Variants in DMD observed in about 807,000 individuals in gnomAD.
DMD encodes the protein mutant dystrophin.
A neutral mutation model predicts 330.1 loss-of-function variants in DMD; 63 were observed. That is an observed-to-expected ratio of 0.19 (90% confidence interval 0.16 to 0.24). The LOEUF (loss-of-function observed/expected upper bound fraction) is 0.24, where lower values mean the gene tolerates loss of function less well. DMD is among the 10% of genes least tolerant of loss of function. The probability of loss-of-function intolerance (pLI) is 1.00; values close to 1 mark genes in which losing one functional copy is unlikely to be tolerated. For synonymous variants in DMD, 1,223 were observed against 959.8 expected (o/e 1.27, Z -5.07); for missense variants, 3,344 against 2,684.1 (o/e 1.25, Z -5.43).
At chrX:32,637,000 A>G (rs970906390) in intron 11 of DMD, among the ~76,000 whole-genome samples, 6 of 110,875 alleles carry the variant, frequency 5.4e-5, no homozygotes, top group Non-Finnish European at 1.1e-4. Context: ...TGTCTCAAAA[A>G]AAAAAGAAAA....
In DMD at chrX:32,001,500, G is replaced by A. The variant is rs892612232; in HGVS notation, c.6439-32986C>T. On this transcript the variant is annotated intron_variant, in intron 44 of 78. Coordinates refer to ENST00000357033, the MANE Select transcript of DMD (RefSeq NM_004006.3). ...GGTTAACATACTGCTCAGGGAAGACGCTAGCGGGTCTCACTGGGAAGACCT... is the reference window on the plus strand; with the variant it reads ...GGTTAACATACTGCTCAGGGAAGACACTAGCGGGTCTCACTGGGAAGACCT... Among the ~76,000 whole-genome samples the A allele has an allele frequency of 5.5e-5, 6 of 109,976 alleles. No homozygotes were observed. In the East Asian group the frequency reaches 1.2e-3, roughly 21 times the overall value.
At chrX:32,714,898 T>C (rs771015612) in intron 7 of DMD, among the ~76,000 whole-genome samples, 1 of 111,778 alleles carries the variant, frequency 8.9e-6, no homozygotes, top group Admixed American at 9.5e-5. Flanking sequence ...AATGAAACCA[T>C]AATGAAAGAA....
chrX:32,559,096 G>A lies in DMD; in HGVS notation c.1992+6606C>T, dbSNP rs756125579. ...CTCCCAAGTAGCTGCAATTACAAGC[G>A]CCTGCCACCATGCCTGGCTACTTTT... On this transcript the variant is annotated intron_variant, in intron 16 of 78. Coordinates refer to ENST00000357033, the MANE Select transcript of DMD (RefSeq NM_004006.3). 5.3e-3 allele frequency among the ~76,000 whole-genome samples: 581 copies of A among 108,758 alleles called. 7 individuals carry two copies. The highest frequency in any genetic ancestry group is 0.019 in the African/African-American group (560 of 29,702). The allele number at this position is 108,758 out of a possible 115,157, so 94.4% of individuals were successfully genotyped here.
At chrX:31,398,158 T>A (rs1357625941) in intron 60 of DMD, among the ~76,000 whole-genome samples, 2 of 112,423 alleles carry the variant, frequency 1.8e-5, no homozygotes. Context: ...TGTATTATTT[T>A]CATTCTACTG....
chrX:32,726,970 C>T (rs955564821), intron 7 of DMD, among the ~76,000 whole-genome samples: 5 of 110,302 alleles, frequency 4.5e-5, no homozygotes, highest in Non-Finnish European at 9.5e-5. Context: ...TGTGGGTATT[C>T]ATCTTGGAGA....
At chrX:31,369,104 A>C (rs1430472984) in intron 60 of DMD, among the ~76,000 whole-genome samples, 1 of 111,861 alleles carries the variant, frequency 8.9e-6, no homozygotes. Context: ...AGTCTACATC[A>C]CTCATTATTT....
intron 48 of DMD, among the ~76,000 whole-genome samples, chrX:31,866,866 G>A (rs989013701): frequency 2.7e-5 from 3 of 111,430 alleles, no homozygotes; most frequent in African/African-American, 9.8e-5. Context: ...ATTGGAAATG[G>A]CAGAAGATTT....
At chrX:31,964,527 C>T (rs759323387) in intron 45 of DMD, among the ~76,000 whole-genome samples, 30 of 109,409 alleles carry the variant, frequency 2.7e-4, no homozygotes, top group Middle Eastern at 4.7e-3. Flanking sequence ...TATTTCAAAG[C>T]GACACATGCT....
chrX:31,366,470 C>CA (rs34216082), intron 60 of DMD, among the ~76,000 whole-genome samples: 2,743 of 10,510 alleles, frequency 0.26, 883 homozygotes, highest in East Asian at 0.57. Flanking sequence ...CTCTCTCTCT[C>CA]AAAAAAAAAA....
At chrX:31,953,577 C>A (rs759852989) in intron 45 of DMD, among the ~76,000 whole-genome samples, 236 of 111,520 alleles carry the variant, frequency 2.1e-3, no homozygotes, top group Middle Eastern at 0.018. Context: ...GATGTTTTCT[C>A]CAGTGTGTCC....
rs749848776 is a variant in DMD, at chrX:32,491,570, A to T, written c.2381-52T>A. ...ATCCCCTGAACCCACAGACTGAAAGAAATGATCTGAAAGCCAACACATCCT... is the reference window on the plus strand; with the variant it reads ...ATCCCCTGAACCCACAGACTGAAAGTAATGATCTGAAAGCCAACACATCCT... On this transcript the variant is annotated intron_variant, in intron 19 of 78. Coordinates refer to ENST00000357033, the MANE Select transcript of DMD (RefSeq NM_004006.3). 3 of 1,120,585 alleles carry T rather than the reference A, an allele frequency of 2.7e-6. No homozygotes were observed. In the East Asian group the frequency reaches 9.4e-5, roughly 35 times the overall value. 92.3% of individuals were successfully genotyped at this position (1,120,585 alleles called of 1,213,427 possible).
chrX:32,453,685 C>T (rs1384934096), intron 26 of DMD, among the ~76,000 whole-genome samples: 2 of 110,770 alleles, frequency 1.8e-5, no homozygotes, highest in African/African-American at 6.5e-5. Flanking sequence ...AGCAGACATT[C>T]TGATACCCAG....
Position 31,654,932 on chromosome X carries a change from T to G in DMD, c.8027+3058A>C, listed in dbSNP as rs191742355. Reference sequence around the variant, plus strand: ...AAAAGTGAAAAAATAAAAATAAAAATAAAAAAGAAAATGTATAAATAGAAA... The same window carrying G: ...AAAAGTGAAAAAATAAAAATAAAAAGAAAAAAGAAAATGTATAAATAGAAA... On this transcript the variant is annotated intron_variant, in intron 54 of 78. Transcript: ENST00000357033. Among the ~76,000 whole-genome samples the G allele has an allele frequency of 7.6e-3, 840 of 110,025 alleles. 5 individuals carry two copies. Among genetic ancestry groups the G allele is most frequent in the African/African-American group, 0.026 (782 of 30,298 alleles).
rs1050391634 is a variant in DMD, at chrX:31,120,758, T to TA, written c.*1160dup. On this transcript the variant is annotated 3_prime_UTR_variant, in exon 79 of 79. Coordinates refer to ENST00000357033, the MANE Select transcript of DMD (RefSeq NM_004006.3). ...CATCGTCCTGCTACTGCTTGGGAGTTAAAAAATACCTTCTGATGTTCACAA... is the reference window on the plus strand; with the variant it reads ...CATCGTCCTGCTACTGCTTGGGAGTTAAAAAAATACCTTCTGATGTTCACAA... The TA allele has an allele frequency of 8.2e-5, 9 of 110,236 alleles. No homozygotes were observed. The highest frequency in any genetic ancestry group is 1.3e-4 in the African/African-American group (4 of 30,285). The allele number at this position is 110,236 out of a possible 1,213,427, so 9.1% of individuals were successfully genotyped here.
intron 44 of DMD, among the ~76,000 whole-genome samples, chrX:32,181,766 ATATAG>A (rs2147471809): frequency 9.0e-6 from 1 of 111,419 alleles, no homozygotes; most frequent in African/African-American, 3.3e-5. Flanking sequence ...ATTCCTAAAA[ATATAG>A]TATATTTTCC....
chrX:32,979,155 T>A (rs2092636232), intron 2 of DMD, among the ~76,000 whole-genome samples: 1 of 112,393 alleles, frequency 8.9e-6, no homozygotes, highest in Non-Finnish European at 1.9e-5. Context: ...CCATTATAAA[T>A]TGGCAACAGA....
At chrX:33,094,804 T>A (rs1411194453) in intron 1 of DMD, among the ~76,000 whole-genome samples, 5 of 79,825 alleles carry the variant, frequency 6.3e-5, no homozygotes, top group Admixed American at 1.9e-4. Flanking sequence ...CAAGACTCCA[T>A]CTCAAAAAAA....
At chrX:32,821,691 C>T in intron 5 of DMD, among the ~76,000 whole-genome samples, 1 of 111,476 alleles carries the variant, frequency 9.0e-6, no homozygotes. Context: ...AACTATTACC[C>T]TCATTGCAAG....
intron 16 of DMD, among the ~76,000 whole-genome samples, chrX:32,547,748 C>G (rs1187876694): frequency 9.0e-6 from 1 of 111,010 alleles, no homozygotes; most frequent in Non-Finnish European, 1.9e-5. Context: ...GGCCATTTAA[C>G]ATGACCTCCT....
Sources: gnomAD v4.1 joint callset for allele counts (sites outside exome capture counted in the v4.1 genomes callset) on GRCh38, gnomAD v4.1.1 for gene constraint, MANE v1.5 for transcripts, NCBI Gene and HGNC (gene_info 2026-07-23, HGNC 2026-07-21) for gene names.